The following NELL1 variants were observed in gnomAD, a reference collection of about 807,000 sequenced individuals.
NELL1 encodes protein kinase C-binding protein NELL1.
In NELL1, 76 loss-of-function variants were observed where a neutral mutation model predicts 107.4. The observed-to-expected ratio is 0.71, with a 90% CI of 0.59 to 0.86. The LOEUF is 0.86. NELL1 is among the 40% of genes least tolerant of loss of function. NELL1 has a pLI of 0.00. For synonymous variants in NELL1, 353 were observed against 341.2 expected (o/e 1.03, Z -0.38); for missense variants, 1,024 against 1,005.5 (o/e 1.02, Z -0.25).
chr11:21,149,371 T>A (rs1590682051), intron 13 of NELL1, among the ~76,000 whole-genome samples: 1 of 152,210 alleles, frequency 6.6e-6, no homozygotes, highest in African/African-American at 2.4e-5. Flanking sequence ...TGGCTCACAG[T>A]TCCATGTGGC....
chr11:21,189,168 G>A (rs1480686164), intron 13 of NELL1, among the ~76,000 whole-genome samples: 1 of 151,792 alleles, frequency 6.6e-6, no homozygotes, highest in Non-Finnish European at 1.5e-5. Flanking sequence ...TTATGATACA[G>A]TAATCCATTG....
At chr11:21,565,126 C>A (rs1856939285) in intron 17 of NELL1, among the ~76,000 whole-genome samples, 1 of 151,282 alleles carries the variant, frequency 6.6e-6, no homozygotes, top group African/African-American at 2.4e-5. Context: ...CTCTTTGAAC[C>A]CAACTAGCAG....
intron 15 of NELL1, among the ~76,000 whole-genome samples, chr11:21,372,291 A>C (rs923450114): frequency 6.6e-6 from 1 of 151,702 alleles, no homozygotes; most frequent in African/African-American, 2.4e-5. Context: ...AAAAAAAAAC[A>C]AAAACTAAAA....
intron 2 of NELL1, among the ~76,000 whole-genome samples, chr11:20,728,542 A>G (rs1855559560): frequency 6.6e-6 from 1 of 151,634 alleles, no homozygotes; most frequent in African/African-American, 2.4e-5. Flanking sequence ...CAGCTATCTC[A>G]TCATCATTTA....
Position 21,404,012 on chromosome 11 carries a change from C to CCG in NELL1, c.1645+33065_1645+33066insGC, listed in dbSNP as rs1554905746. 8.0e-5 allele frequency among the ~76,000 whole-genome samples: 9 copies of CCG among 112,088 alleles called. 1 individual carries two copies. The highest frequency in any genetic ancestry group is 1.5e-4 in the Non-Finnish European group (8 of 52,346). 73.5% of individuals were successfully genotyped at this position (112,088 alleles called of 152,430 possible). On this transcript the variant is annotated intron_variant, in intron 15 of 19. Transcript: ENST00000357134. ...TATCTCTGTCATTCCTGAACCCCCC[C>CCG]CCCCGCAATCAAAACCACTGGATAT...
At chr11:21,099,212 CACACACACACACACACACACAA>C (rs1365528042) in intron 12 of NELL1, among the ~76,000 whole-genome samples, 4 of 140,546 alleles carry the variant, frequency 2.8e-5, no homozygotes, top group Admixed American at 7.1e-5. Context: ...CACACACACA[CACACACACACACACACACACAA>C]ACACACACAC....
chr11:21,140,948 A>T (rs1227579413), intron 13 of NELL1, among the ~76,000 whole-genome samples: 3 of 152,154 alleles, frequency 2.0e-5, no homozygotes, highest in Non-Finnish European at 4.4e-5. Flanking sequence ...TATCTTGGTT[A>T]TTGACATTGT....
chr11:20,772,060 T>C (rs1791366444), intron 2 of NELL1, among the ~76,000 whole-genome samples: 1 of 152,218 alleles, frequency 6.6e-6, no homozygotes, highest in Admixed American at 6.5e-5. Context: ...CTGTTTACTA[T>C]TGAATCTGAG....
chr11:20,797,028 G>C (rs187818895), intron 3 of NELL1, among the ~76,000 whole-genome samples: 1 of 152,266 alleles, frequency 6.6e-6, no homozygotes. Context: ...AGTGGAGAAA[G>C]CATAGGTAAG....
chr11:21,565,330 T>C (rs1038424375), intron 17 of NELL1, among the ~76,000 whole-genome samples: 4 of 151,866 alleles, frequency 2.6e-5, no homozygotes, highest in African/African-American at 9.7e-5. Flanking sequence ...GTGGTAGTGT[T>C]CAAAACCCTG....
At chr11:20,734,893 C>T (rs1158369500) in intron 2 of NELL1, among the ~76,000 whole-genome samples, 1 of 152,066 alleles carries the variant, frequency 6.6e-6, no homozygotes, top group Admixed American at 6.5e-5. Flanking sequence ...GTTAGAAATC[C>T]AATTTCTCAG....
chr11:20,956,941 A>T (rs1487510880), intron 11 of NELL1, among the ~76,000 whole-genome samples: 3 of 152,200 alleles, frequency 2.0e-5, no homozygotes, highest in African/African-American at 7.2e-5. Flanking sequence ...ATGCTGCCTA[A>T]TATAGAAACA....
intron 13 of NELL1, among the ~76,000 whole-genome samples, chr11:21,146,841 C>G (rs1054229334): frequency 1.3e-5 from 2 of 151,978 alleles, no homozygotes; most frequent in Non-Finnish European, 2.9e-5. Flanking sequence ...GTCAGGAGTT[C>G]GAGACCAGCC....
intron 13 of NELL1, among the ~76,000 whole-genome samples, chr11:21,221,126 T>A (rs1857746562): frequency 6.6e-6 from 1 of 152,204 alleles, no homozygotes; most frequent in Non-Finnish European, 1.5e-5. Flanking sequence ...ATTGAGATGA[T>A]AATATGGTTT....
intron 14 of NELL1, among the ~76,000 whole-genome samples, chr11:21,355,937 G>A (rs1238073066): frequency 6.6e-6 from 1 of 152,052 alleles, no homozygotes; most frequent in Admixed American, 6.6e-5. Flanking sequence ...TGCACTTGCT[G>A]TAACCTTTGC....
In NELL1 at chr11:21,575,588, A is replaced by G. The variant is rs1857200638; in HGVS notation, c.*566A>G. On this transcript the variant is annotated 3_prime_UTR_variant, in exon 20 of 20. Coordinates refer to ENST00000357134, the MANE Select transcript of NELL1 (RefSeq NM_006157.5). The stretch of plus-strand genomic sequence containing the variant: ...AACCTTCTTAAATGCCTACTCATTC[A>G]GCTTAAACAGGCTGAAGCCAAGTAT... 2.0e-5 allele frequency: 3 copies of G among 151,658 alleles called. No individual in the cohort carries two copies. Among genetic ancestry groups the G allele is most frequent in the African/African-American group, 7.2e-5 (3 of 41,414 alleles). 9.4% of individuals were successfully genotyped at this position (151,658 alleles called of 1,614,324 possible). A position where few individuals can be genotyped will look rare whatever the true frequency, so the allele number is the denominator to read the frequency against.
intron 2 of NELL1, among the ~76,000 whole-genome samples, chr11:20,746,025 A>G (rs1855994972): frequency 6.6e-6 from 1 of 152,196 alleles, no homozygotes; most frequent in African/African-American, 2.4e-5. Flanking sequence ...ATAAGAAGAT[A>G]GGTGAGCAAG....
At chr11:21,218,196 G>A (rs1315285309) in intron 13 of NELL1, among the ~76,000 whole-genome samples, 1 of 151,866 alleles carries the variant, frequency 6.6e-6, no homozygotes, top group East Asian at 1.9e-4. Flanking sequence ...TTATTTCCTG[G>A]GGACTATAAT....
intron 13 of NELL1, among the ~76,000 whole-genome samples, chr11:21,170,514 T>C (rs1387869630): frequency 4.0e-5 from 6 of 151,810 alleles, no homozygotes; most frequent in African/African-American, 9.7e-5. Flanking sequence ...AAGCATGTTT[T>C]CTGTCACATT....
Sources: gnomAD v4.1 joint callset for allele counts (sites outside exome capture counted in the v4.1 genomes callset) on GRCh38, gnomAD v4.1.1 for gene constraint, MANE v1.5 for transcripts, NCBI Gene and HGNC (gene_info 2026-07-23, HGNC 2026-07-21) for gene names.